EVL: variants seen among roughly 807,000 people sequenced by gnomAD.
The protein encoded by EVL is ena/VASP-like protein.
EVL carries 21 observed loss-of-function variants against 59.6 expected under a neutral mutation model. The observed-to-expected ratio is 0.35, with a 90% confidence interval of 0.25 to 0.51. EVL has a LOEUF of 0.51. Among genes scored for constraint, EVL ranks in the 20% least tolerant of loss-of-function variants. The probability of loss-of-function intolerance (pLI) is 0.97; values close to 1 mark genes in which losing one functional copy is unlikely to be tolerated. For synonymous variants in EVL, 198 were observed against 203.5 expected (o/e 0.97, Z 0.23); for missense variants, 462 against 546.6 (o/e 0.85, Z 1.54).
chr14:100,062,023 A>G (rs1477944743), upstream of EVL, among the ~76,000 whole-genome samples: 1 of 152,006 alleles, frequency 6.6e-6, no homozygotes, highest in Non-Finnish European at 1.5e-5. Context: ...CTGTAGTCCT[A>G]GCACTTTGGG....
intron 1 of EVL, among the ~76,000 whole-genome samples, chr14:100,027,065 G>T (rs2061226439): frequency 6.6e-6 from 1 of 152,136 alleles, no homozygotes; most frequent in Non-Finnish European, 1.5e-5. Flanking sequence ...CAAGCCAAAA[G>T]CAAGGTGTTA....
At chr14:100,046,848 G>A (rs1175228634) in intron 1 of EVL, among the ~76,000 whole-genome samples, 1 of 150,424 alleles carries the variant, frequency 6.6e-6, no homozygotes, top group Middle Eastern at 3.4e-3. Flanking sequence ...CGCCTCCTGG[G>A]TTCACGCCAT....
intron 1 of EVL, among the ~76,000 whole-genome samples, chr14:100,034,525 G>A (rs1595593953): frequency 6.6e-6 from 1 of 151,704 alleles, no homozygotes; most frequent in African/African-American, 2.4e-5. Flanking sequence ...TGAAGTGGGA[G>A]GATCACTTGA....
In EVL at chr14:100,128,464, G is replaced by A; in HGVS notation, c.488-55G>A. 5 of 1,582,178 alleles carry A rather than the reference G, an allele frequency of 3.2e-6. No individual in the cohort carries two copies. The South Asian group carries it at 4.4e-5, about 14-fold the overall frequency. Reference sequence around the variant, plus strand: ...CGGGGAACCTGAGCTGAGAGCAGCAGGCTTGGCCCCCAGCTGGGTGCTGGA... The same window carrying A: ...CGGGGAACCTGAGCTGAGAGCAGCAAGCTTGGCCCCCAGCTGGGTGCTGGA... On this transcript the variant is annotated intron_variant, in intron 5 of 13. Coordinates refer to ENST00000392920, the MANE Select transcript of EVL (RefSeq NM_016337.3).
chr14:100,126,870 G>T, intron 5 of EVL, 99 bp downstream of exon 5: 1 of 1,161,604 alleles, frequency 8.6e-7, no homozygotes, highest in East Asian at 2.4e-5. Flanking sequence ...CGCTCTGTGA[G>T]CAGCTATGGG....
At chr14:99,992,998 G>A (rs562316619) in intron 1 of EVL, among the ~76,000 whole-genome samples, 42 of 150,764 alleles carry the variant, frequency 2.8e-4, no homozygotes, top group African/African-American at 5.4e-4. Context: ...AATGTATTGC[G>A]TTGATTTTTG....
intron 9 of EVL, among the ~76,000 whole-genome samples, chr14:100,136,643 T>C (rs552382567): frequency 6.6e-6 from 1 of 152,288 alleles, no homozygotes; most frequent in South Asian, 2.1e-4. Flanking sequence ...TCTTGCCAGC[T>C]GTTCGCGTGT....
chr14:100,125,904 T>C (rs987073603), intron 4 of EVL, among the ~76,000 whole-genome samples: 2 of 152,126 alleles, frequency 1.3e-5, no homozygotes, highest in Non-Finnish European at 2.9e-5. Flanking sequence ...CCCCATGAAA[T>C]AGATGTTTCT....
At chr14:100,106,783 A>T in intron 3 of EVL, 1 of 398,544 alleles carries the variant, frequency 2.5e-6, no homozygotes, top group African/African-American at 2.1e-5. Context: ...GTTGTCGCTT[A>T]ACAGTGCCAT....
intron 1 of EVL, among the ~76,000 whole-genome samples, chr14:100,041,239 CT>C (rs1398325485): frequency 6.6e-6 from 1 of 152,132 alleles, no homozygotes; most frequent in South Asian, 2.1e-4. Flanking sequence ...AGATATTGAA[CT>C]TTTTTTCCCA....
chr14:99,994,420 T>C (rs2060898563), intron 1 of EVL, among the ~76,000 whole-genome samples: 1 of 152,090 alleles, frequency 6.6e-6, no homozygotes, highest in African/African-American at 2.4e-5. Context: ...CCTTATCATT[T>C]CCCATTGTAT....
upstream of EVL, among the ~76,000 whole-genome samples, chr14:100,064,680 G>A (rs766766637): frequency 4.6e-5 from 7 of 152,246 alleles, no homozygotes; most frequent in Non-Finnish European, 7.3e-5. Flanking sequence ...GGAGGCCAAG[G>A]CAGGCGGATC....
At chr14:100,129,975 C>T (rs1328665510) in intron 7 of EVL, among the ~76,000 whole-genome samples, 2 of 152,210 alleles carry the variant, frequency 1.3e-5, no homozygotes, top group Non-Finnish European at 2.9e-5. Context: ...GAGACAATTT[C>T]AGAGATAAAT....
intron 1 of EVL, among the ~76,000 whole-genome samples, chr14:100,017,967 C>T (rs187672472): frequency 1.3e-5 from 2 of 152,324 alleles, no homozygotes; most frequent in East Asian, 3.9e-4. Flanking sequence ...CCCAGAGCAC[C>T]TTCGTGCGAA....
At chr14:100,142,687 G>A (rs1889262098) in intron 13 of EVL, among the ~76,000 whole-genome samples, 1 of 152,222 alleles carries the variant, frequency 6.6e-6, no homozygotes, top group African/African-American at 2.4e-5. Flanking sequence ...CCTTGTTTGA[G>A]CAGAGAGCAC....
intron 1 of EVL, among the ~76,000 whole-genome samples, chr14:100,049,829 C>A (rs1375627921): frequency 6.6e-6 from 1 of 152,168 alleles, no homozygotes; most frequent in Non-Finnish European, 1.5e-5. Flanking sequence ...CAGCCCTAGG[C>A]AACCCCAATC....
chr14:99,973,029 C>A (rs2060745735), intron 1 of EVL, among the ~76,000 whole-genome samples: 1 of 152,028 alleles, frequency 6.6e-6, no homozygotes, highest in African/African-American at 2.4e-5. Context: ...GAATATACCA[C>A]AGTGTACGCA....
intron 12 of EVL, among the ~76,000 whole-genome samples, 156 bp from the exon 13 acceptor site, chr14:100,141,580 C>G (rs1196921554): frequency 2.0e-5 from 3 of 152,230 alleles, no homozygotes; most frequent in South Asian, 4.1e-4. Flanking sequence ...TGCCGTCCCC[C>G]CTCAGCGTGG....
intron 1 of EVL, among the ~76,000 whole-genome samples, chr14:100,012,778 C>G (rs61984479): frequency 0.032 from 4,943 of 152,206 alleles, 121 homozygotes; most frequent in Non-Finnish European, 0.053. Flanking sequence ...GATCTTGGCT[C>G]TGTTTCATTA....
Sources: gnomAD v4.1 joint callset for allele counts (sites outside exome capture counted in the v4.1 genomes callset) on GRCh38, gnomAD v4.1.1 for gene constraint, MANE v1.5 for transcripts, NCBI Gene and HGNC (gene_info 2026-07-23, HGNC 2026-07-21) for gene names.